FAM227A: variants seen among roughly 807,000 people sequenced by gnomAD.
The protein encoded by FAM227A is protein FAM227A.
FAM227A carries 80 observed loss-of-function variants against 74.7 expected under a neutral mutation model. That is an observed-to-expected ratio of 1.07 (90% CI 0.89 to 1.29). The LOEUF is 1.29. Among genes scored for constraint, FAM227A ranks in the 50% most tolerant of loss-of-function variants. FAM227A has a pLI of 0.00. For missense variants in FAM227A, 654 were observed against 683.4 expected, an observed-to-expected ratio of 0.96 and a Z score of 0.48; for synonymous variants, 237 against 241.8, an observed-to-expected ratio of 0.98 and a Z score of 0.19.
chr22:38,607,892 TCACTGGGCAACTACTAATGTGTTTG>T (rs1166741561), intron 11 of FAM227A, among the ~76,000 whole-genome samples: 4 of 152,162 alleles, frequency 2.6e-5, no homozygotes, highest in African/African-American at 4.8e-5. Flanking sequence ...AGCAAATGTT[TCACTGGGCAACTACTAATGTGTTTG>T]CACTGGGCAA....
intron 3 of FAM227A, among the ~76,000 whole-genome samples, chr22:38,641,069 A>G (rs1251056966): frequency 6.6e-6 from 1 of 152,186 alleles, no homozygotes; most frequent in African/African-American, 2.4e-5. Flanking sequence ...TACCAATGTC[A>G]TTATAGCAGA....
At chr22:38,618,831 T>C (rs2091628828) in intron 11 of FAM227A, among the ~76,000 whole-genome samples, 1 of 152,094 alleles carries the variant, frequency 6.6e-6, no homozygotes, top group South Asian at 2.1e-4. Context: ...GCTGTTTCAG[T>C]GTGAAGGTAG....
chr22:38,639,395 C>T (rs148665288), intron 4 of FAM227A, among the ~76,000 whole-genome samples: 4 of 143,312 alleles, frequency 2.8e-5, no homozygotes, highest in East Asian at 2.0e-4. Flanking sequence ...GGAGACAGAG[C>T]GAGACTCCGT....
chr22:38,625,943 C>CAAAAAA (rs141715277), intron 9 of FAM227A, among the ~76,000 whole-genome samples: 8 of 71,532 alleles, frequency 1.1e-4, no homozygotes, highest in Admixed American at 6.7e-4. Flanking sequence ...ACTCTATCTC[C>CAAAAAA]AAAAAAAAAA....
At chr22:38,649,461 G>A (rs1277814927) in intron 2 of FAM227A, among the ~76,000 whole-genome samples, 1 of 151,804 alleles carries the variant, frequency 6.6e-6, no homozygotes, top group African/African-American at 2.4e-5. Context: ...AGCTACTCGG[G>A]AGGCTGAGGC....
intron 8 of FAM227A, among the ~76,000 whole-genome samples, chr22:38,627,587 A>G (rs1321091481): frequency 6.6e-6 from 1 of 151,320 alleles, no homozygotes; most frequent in Non-Finnish European, 1.5e-5. Flanking sequence ...AATAAAATGG[A>G]AAGGGAAAGT....
chr22:38,649,322 T>C (rs567716707), intron 2 of FAM227A, among the ~76,000 whole-genome samples: 2 of 151,700 alleles, frequency 1.3e-5, no homozygotes, highest in African/African-American at 2.4e-5. Context: ...CCCAGCACTT[T>C]GGGAGGTCAA....
At chr22:38,628,800 A>C in intron 7 of FAM227A, 34 bp downstream of exon 7, 1 of 1,229,464 alleles carries the variant, frequency 8.1e-7, no homozygotes, top group Non-Finnish European at 1.2e-6. Context: ...AAATAACTTA[A>C]GCAAGGCAGA....
chr22:38,613,340 A>ATG (rs1478780217), intron 11 of FAM227A, among the ~76,000 whole-genome samples: 1 of 31,340 alleles, frequency 3.2e-5, no homozygotes, highest in Admixed American at 5.9e-4. Context: ...TATAATATAT[A>ATG]ACATATATTA....
intron 2 of FAM227A, among the ~76,000 whole-genome samples, chr22:38,648,135 A>G (rs761243495): frequency 6.6e-6 from 1 of 152,032 alleles, no homozygotes; most frequent in Non-Finnish European, 1.5e-5. Flanking sequence ...TCCTCCAGAG[A>G]TGGAGTTCTG....
intron 11 of FAM227A, among the ~76,000 whole-genome samples, chr22:38,618,959 T>C (rs1257342280): frequency 2.0e-5 from 3 of 150,174 alleles, no homozygotes; most frequent in African/African-American, 4.9e-5. Context: ...GATTTTTTTT[T>C]CCAGCTCTTC....
chr22:38,636,927 T>C (rs922877360), intron 5 of FAM227A, among the ~76,000 whole-genome samples: 26 of 152,000 alleles, frequency 1.7e-4, no homozygotes, highest in African/African-American at 6.0e-4. Context: ...CCCGCCACCA[T>C]GCCCAGCTAA....
At position 38,605,316 on chromosome 22, in the gene FAM227A, G is replaced by A. The variant is rs1404003309; in HGVS notation, c.1159C>T (p.Pro387Ser). 5.8e-6 allele frequency: 9 copies of A among 1,550,358 alleles called. No individual in the cohort carries two copies. The East Asian group carries it at 2.0e-4, about 34-fold the overall frequency. The change falls in exon 13 of 17, where the codon CCT (proline) becomes TCT (serine). Residue 387 changes from proline to serine, a missense_variant. Pro to Ser is a moderately conservative substitution (Grantham distance 74, BLOSUM62 -1). Coordinates refer to ENST00000535113, the MANE Select transcript of FAM227A (RefSeq NM_001013647.2). The part of the protein sequence containing the change: ...HHCQTLVLKK[P>S]TQEVKRISEA... Reference sequence around the variant, plus strand: ...GATATCCTCTTGACTTCTTGCGTAGGTTTCTTCAAGACCAGGGTCTGACAA... The same window carrying A: ...GATATCCTCTTGACTTCTTGCGTAGATTTCTTCAAGACCAGGGTCTGACAA...
chr22:38,605,662 C>T (rs540612451), intron 12 of FAM227A, among the ~76,000 whole-genome samples: 2 of 152,262 alleles, frequency 1.3e-5, no homozygotes, highest in African/African-American at 4.8e-5. Context: ...TCATTTCATT[C>T]AGTTCAAATA....
intron 11 of FAM227A, among the ~76,000 whole-genome samples, chr22:38,614,436 C>A (rs1288432944): frequency 6.6e-6 from 1 of 152,156 alleles, no homozygotes; most frequent in Non-Finnish European, 1.5e-5. Flanking sequence ...GTGCAAATCC[C>A]TAACACTTAA....
chr22:38,615,315 C>T (rs77687917), intron 11 of FAM227A, among the ~76,000 whole-genome samples: 1,944 of 152,294 alleles, frequency 0.013, 44 homozygotes, highest in African/African-American at 0.045. Context: ...TGAGCCATCG[C>T]GCCCGGACAG....
chr22:38,600,134 GAAT>G (rs952529332), intron 13 of FAM227A, among the ~76,000 whole-genome samples: 1 of 151,866 alleles, frequency 6.6e-6, no homozygotes, highest in African/African-American at 2.4e-5. Context: ...CAAAATATGA[GAAT>G]AACTTAAATG....
At chr22:38,605,529 A>G (rs2091265644) in intron 12 of FAM227A, among the ~76,000 whole-genome samples, 181 bp from the exon 13 acceptor site, 1 of 152,144 alleles carries the variant, frequency 6.6e-6, no homozygotes, top group South Asian at 2.1e-4. Context: ...GACTCAAGTG[A>G]TCTGCCCACC....
At chr22:38,655,072 G>A (rs1355948640) in intron 1 of FAM227A, among the ~76,000 whole-genome samples, 2 of 151,078 alleles carry the variant, frequency 1.3e-5, no homozygotes, top group South Asian at 2.1e-4. Context: ...CCCAGGAGTC[G>A]GAGGTTGCAG....
Sources: gnomAD v4.1 joint callset for allele counts (sites outside exome capture counted in the v4.1 genomes callset) on GRCh38, gnomAD v4.1.1 for gene constraint, MANE v1.5 for transcripts, NCBI Gene and HGNC (gene_info 2026-07-23, HGNC 2026-07-21) for gene names.